STARD3NL: variants seen among roughly 807,000 people sequenced by gnomAD.
STARD3NL encodes STARD3 N-terminal-like protein.
STARD3NL carries 17 observed loss-of-function variants against 30.9 expected under a neutral mutation model. The observed-to-expected ratio is 0.55, with a 90% CI of 0.38 to 0.82. The LOEUF (loss-of-function observed/expected upper bound fraction) is 0.82, where lower values mean the gene tolerates loss of function less well. Ranked by LOEUF, STARD3NL falls within the 40% of genes least tolerant of loss-of-function variation. The pLI, the probability that STARD3NL is intolerant of heterozygous loss-of-function variation, is 0.00. For missense variants in STARD3NL, 234 were observed against 277.6 expected (o/e 0.84, Z 1.12); for synonymous variants, 112 against 100.5 (o/e 1.11, Z -0.69).
chr7:38,182,201 A>G (rs951176403), intron 1 of STARD3NL, among the ~76,000 whole-genome samples: 1 of 152,040 alleles, frequency 6.6e-6, no homozygotes, highest in South Asian at 2.1e-4. Flanking sequence ...TTACACTTTT[A>G]TCATCTTATC....
In STARD3NL at chr7:38,214,988, A is replaced by G. The variant is rs756283686; in HGVS notation, c.304-40A>G. On this transcript the variant is annotated intron_variant, in intron 3 of 8. Coordinates refer to ENST00000009041, the MANE Select transcript of STARD3NL (RefSeq NM_032016.4). ...TTTCATAAAGCTGTGTCATTTTTGT[A>G]TATATTTTTTAAAACATCCCTTTAT... 12 of 1,559,436 alleles carry G rather than the reference A, an allele frequency of 7.7e-6. No homozygotes were observed. The African/African-American group carries it at 1.2e-4, about 16-fold the overall frequency.
At chr7:38,217,099 T>C (rs773593358) in intron 5 of STARD3NL, 21 bp downstream of exon 5, 2 of 1,614,096 alleles carry the variant, frequency 1.2e-6, no homozygotes, top group Non-Finnish European at 1.7e-6. Context: ...CCACTTTTTC[T>C]ATACAGTTAC....
At position 38,230,658 on chromosome 7, in the gene STARD3NL, T is replaced by TG. The variant is rs1787047923; in HGVS notation, c.*754dup. The TG allele has an allele frequency of 6.6e-6, 1 of 152,234 alleles. No homozygotes were observed. The highest frequency in any genetic ancestry group is 2.1e-4 in the South Asian group (1 of 4,834). 9.4% of individuals were successfully genotyped at this position (152,234 alleles called of 1,614,324 possible). ...TGCGTTCAGCCAATTTCAATTAAAA[T>TG]GAACTAAATTATACTGTGTGCTGTT... On this transcript the variant is annotated 3_prime_UTR_variant, in exon 9 of 9. Transcript: ENST00000009041.
chr7:38,203,080 C>A (rs1785266966), intron 1 of STARD3NL, among the ~76,000 whole-genome samples: 2 of 152,130 alleles, frequency 1.3e-5, no homozygotes. Flanking sequence ...TCCAGGAGAA[C>A]TTCCCCAATC....
In STARD3NL at chr7:38,215,120, C is replaced by T. The variant is rs1786030190; in HGVS notation, c.381+15C>T. On this transcript the variant is annotated intron_variant, in intron 4 of 8. Transcript: ENST00000009041. ...GGGCAATAGCGGTGAGTATGCCCTGCATGAGTGGGTCATCTCCTCCAGTGC... is the reference window on the plus strand; with the variant it reads ...GGGCAATAGCGGTGAGTATGCCCTGTATGAGTGGGTCATCTCCTCCAGTGC... 1.2e-6 allele frequency: 2 copies of T among 1,613,078 alleles called. No individual in the cohort carries two copies. The highest frequency in any genetic ancestry group is 8.5e-7 in the Non-Finnish European group (1 of 1,179,242).
At chr7:38,215,361 A>G (rs1216776614) in intron 4 of STARD3NL, 2 of 487,964 alleles carry the variant, frequency 4.1e-6, no homozygotes. Context: ...TTATTGGCCA[A>G]GCACCAAGCC....
intron 1 of STARD3NL, among the ~76,000 whole-genome samples, chr7:38,184,978 T>G (rs1784402628): frequency 6.6e-6 from 1 of 151,992 alleles, no homozygotes; most frequent in Non-Finnish European, 1.5e-5. Flanking sequence ...GAGATCCTAC[T>G]ACTTTTGTTG....
At position 38,227,671 on chromosome 7, in the gene STARD3NL, T is replaced by G. The variant is rs536281720; in HGVS notation, c.650-1128T>G. On this transcript the variant is annotated intron_variant, in intron 7 of 8. Transcript: ENST00000009041. ...GGTCTTCTCTCAGGGCCTCCTCTGC[T>G]TTTTTTTTAATTCCTCTTCCCTGAT... 1.3e-3 allele frequency among the ~76,000 whole-genome samples: 196 copies of G among 151,338 alleles called. 1 individual carries two copies. Among genetic ancestry groups the G allele is most frequent in the East Asian group, 1.5e-3 (8 of 5,172 alleles).
chr7:38,217,024 G>A lies in STARD3NL; in HGVS notation c.382-1G>A. The A allele has an allele frequency of 6.2e-7, 1 of 1,614,098 alleles. No individual in the cohort carries two copies. The highest frequency in any genetic ancestry group is 8.5e-7 in the Non-Finnish European group (1 of 1,179,946). The stretch of plus-strand genomic sequence containing the variant: ...ACAGTGCTGGATTATGTGTCTTGCA[G>A]TTGACAACGGCAGTGACCAGTGCCT... On this transcript the variant is annotated splice_acceptor_variant, in intron 4 of 8. Coordinates refer to ENST00000009041, the MANE Select transcript of STARD3NL (RefSeq NM_032016.4). LOFTEE classifies it high-confidence loss of function.
At chr7:38,196,538 A>C (rs1784904722) in intron 1 of STARD3NL, among the ~76,000 whole-genome samples, 1 of 152,238 alleles carries the variant, frequency 6.6e-6, no homozygotes, top group South Asian at 2.1e-4. Context: ...AGAGTTTCAT[A>C]CATAAACTTC....
At chr7:38,215,713 T>A (rs1786068653) in intron 4 of STARD3NL, 1 of 152,420 alleles carries the variant, frequency 6.6e-6, no homozygotes. Context: ...TCTGAATATT[T>A]GCCTTTTGTA....
intron 1 of STARD3NL, among the ~76,000 whole-genome samples, chr7:38,188,205 G>A (rs1419668809): frequency 1.3e-5 from 2 of 152,142 alleles, no homozygotes; most frequent in African/African-American, 4.8e-5. Flanking sequence ...ACAAGGCCCA[G>A]CCCTTTGTTA....
chr7:38,209,241 C>A (rs1301124855), intron 2 of STARD3NL, among the ~76,000 whole-genome samples: 1 of 151,584 alleles, frequency 6.6e-6, no homozygotes, highest in African/African-American at 2.4e-5. Flanking sequence ...AATATGATTT[C>A]AAAACTGTAG....
intron 1 of STARD3NL, among the ~76,000 whole-genome samples, chr7:38,205,277 G>A (rs1227769868): frequency 6.6e-6 from 1 of 152,150 alleles, no homozygotes; most frequent in Non-Finnish European, 1.5e-5. Context: ...ACATCAAAAA[G>A]CTTATCCACC....
chr7:38,206,536 T>G (rs1785497304), intron 1 of STARD3NL, among the ~76,000 whole-genome samples: 2 of 152,224 alleles, frequency 1.3e-5, no homozygotes, highest in African/African-American at 2.4e-5. Flanking sequence ...ATTATAAAAG[T>G]GCCCTCTGGT....
chr7:38,226,144 C>A, intron 7 of STARD3NL, among the ~76,000 whole-genome samples: 1 of 116,744 alleles, frequency 8.6e-6, no homozygotes, highest in African/African-American at 3.3e-5. Flanking sequence ...TGAATCTTTG[C>A]CTATCTTGTT....
chr7:38,224,849 CTGAACT>C (rs1786666063), intron 7 of STARD3NL, among the ~76,000 whole-genome samples: 1 of 152,158 alleles, frequency 6.6e-6, no homozygotes, highest in African/African-American at 2.4e-5. Context: ...AAAACATATG[CTGAACT>C]TTATCATGTT....
intron 6 of STARD3NL, among the ~76,000 whole-genome samples, chr7:38,218,039 CT>C (rs1303720284): frequency 2.6e-5 from 4 of 152,254 alleles, no homozygotes; most frequent in African/African-American, 9.6e-5. Context: ...ATTGATTAAG[CT>C]TTATGGTAAA....
chr7:38,220,190 T>C (rs1786370983), intron 7 of STARD3NL, among the ~76,000 whole-genome samples: 1 of 152,258 alleles, frequency 6.6e-6, no homozygotes, highest in African/African-American at 2.4e-5. Context: ...TTCTGCAGTT[T>C]CTGCAAGAGC....
Sources: allele counts gnomAD v4.1 joint callset (sites outside exome capture counted in the v4.1 genomes callset), GRCh38; gene constraint gnomAD v4.1.1; transcripts MANE v1.5; gene names NCBI Gene and HGNC (gene_info 2026-07-23, HGNC 2026-07-21).